Variants in SGSM1 observed in about 807,000 individuals in gnomAD.
SGSM1 encodes the protein small G protein signaling modulator 1.
In SGSM1, 73 loss-of-function variants were observed where a neutral mutation model predicts 133.8. That is an observed-to-expected ratio of 0.55 (90% CI 0.45 to 0.66). The LOEUF (loss-of-function observed/expected upper bound fraction) is 0.66, where lower values mean the gene tolerates loss of function less well. Ranked by LOEUF, SGSM1 falls within the 30% of genes least tolerant of loss-of-function variation. SGSM1 has a pLI of 0.00. For synonymous variants in SGSM1, 563 were observed against 573.0 expected (o/e 0.98, Z 0.25); for missense variants, 1,213 against 1,448.1 (o/e 0.84, Z 2.64).
intron 20 of SGSM1, among the ~76,000 whole-genome samples, chr22:24,903,806 T>C (rs1933253626): frequency 6.6e-6 from 1 of 151,900 alleles, no homozygotes; most frequent in Admixed American, 6.6e-5. Context: ...ACCCTGTCTC[T>C]ACTAAAAATA....
In SGSM1 at chr22:24,868,359, GC is replaced by G; in HGVS notation, c.995-16del. On this transcript the variant is annotated splice_polypyrimidine_tract_variant and intron_variant, in intron 10 of 24. Transcript: ENST00000400358. ...AGTGACTTCCACTGGGTCTTCTCTG[GC>G]TGGTGGTGGCGGCAGTTGACAGCGG... 2 of 1,603,172 alleles carry G rather than the reference GC, an allele frequency of 1.2e-6. No individual in the cohort carries two copies. Among genetic ancestry groups the G allele is most frequent in the Non-Finnish European group, 1.7e-6 (2 of 1,172,920 alleles).
intron 2 of SGSM1, among the ~76,000 whole-genome samples, chr22:24,821,209 G>A (rs543261850): frequency 2.0e-4 from 30 of 152,166 alleles, no homozygotes; most frequent in Non-Finnish European, 4.3e-4. Context: ...GCTAATTTTT[G>A]TATTTTTAGT....
intron 9 of SGSM1, among the ~76,000 whole-genome samples, chr22:24,864,262 G>C (rs1931323865): frequency 6.6e-6 from 1 of 152,192 alleles, no homozygotes; most frequent in South Asian, 2.1e-4. Flanking sequence ...GACCAACTTG[G>C]CAGTTTCTTG....
intron 8 of SGSM1, among the ~76,000 whole-genome samples, chr22:24,857,578 C>T (rs1041076453): frequency 6.6e-6 from 1 of 152,074 alleles, no homozygotes; most frequent in South Asian, 2.1e-4. Context: ...TTATAAGTAA[C>T]ACACAGGGAA....
intron 12 of SGSM1, among the ~76,000 whole-genome samples, 169 bp downstream of exon 12, chr22:24,869,024 C>G (rs993364719): frequency 6.6e-6 from 1 of 152,116 alleles, no homozygotes; most frequent in Non-Finnish European, 1.5e-5. Flanking sequence ...CAAATAAGAA[C>G]AATAACCACC....
At chr22:24,875,074 G>T (rs143377295) in intron 12 of SGSM1, among the ~76,000 whole-genome samples, 160 of 152,280 alleles carry the variant, frequency 1.1e-3, no homozygotes, top group African/African-American at 3.7e-3. Context: ...GATGGCAAGA[G>T]GAGCAGTTCC....
chr22:24,827,471 G>A (rs373872140), intron 2 of SGSM1, among the ~76,000 whole-genome samples: 21 of 152,106 alleles, frequency 1.4e-4, no homozygotes, highest in South Asian at 2.1e-4. Flanking sequence ...GAGGCCTGAC[G>A]TGGAGGGACG....
At chr22:24,811,154 A>G (rs1255569923) in intron 2 of SGSM1, among the ~76,000 whole-genome samples, 1 of 152,148 alleles carries the variant, frequency 6.6e-6, no homozygotes, top group Non-Finnish European at 1.5e-5. Context: ...TGGGGGTGCT[A>G]TCAGCATCTA....
chr22:24,880,186 G>A (rs1932249224), intron 14 of SGSM1, among the ~76,000 whole-genome samples: 1 of 151,954 alleles, frequency 6.6e-6, no homozygotes, highest in African/African-American at 2.4e-5. Context: ...CCAGGCTGGA[G>A]TGCAATGGCT....
intron 21 of SGSM1, among the ~76,000 whole-genome samples, chr22:24,909,031 C>G (rs981551783): frequency 1.3e-5 from 2 of 152,152 alleles, no homozygotes; most frequent in Admixed American, 1.3e-4. Flanking sequence ...AGCTCCACCT[C>G]CCTCCTCCTG....
intron 2 of SGSM1, chr22:24,843,723 A>G (rs1273940173): frequency 6.6e-6 from 1 of 152,218 alleles, no homozygotes; most frequent in Non-Finnish European, 1.5e-5. Flanking sequence ...CTGCCAGAGG[A>G]TCAACACCAA....
chr22:24,910,186 G>A (rs998911106), intron 21 of SGSM1, among the ~76,000 whole-genome samples: 2 of 152,158 alleles, frequency 1.3e-5, no homozygotes, highest in Non-Finnish European at 2.9e-5. Flanking sequence ...CAGGGACTTG[G>A]GGGAGAAAGA....
intron 10 of SGSM1, among the ~76,000 whole-genome samples, 196 bp from the exon 11 acceptor site, chr22:24,868,180 G>A (rs1319463161): frequency 6.6e-6 from 1 of 152,166 alleles, no homozygotes. Flanking sequence ...CGTCAGAGGT[G>A]GATGGTGGAT....
rs116206390 is a variant in SGSM1, at chr22:24,883,372, C to T, written c.1496-681C>T. ...TTGAACAGGAGTTGTCCACGTTTCA[C>T]ATTCTCTTTCTTGCTGTATGGATTA... On this transcript the variant is annotated intron_variant, in intron 14 of 24. Coordinates refer to ENST00000400358, the MANE Select transcript of SGSM1 (RefSeq NM_001098497.3). Among the ~76,000 whole-genome samples, 1,393 of 152,282 alleles carry T rather than the reference C, an allele frequency of 9.1e-3. 21 individuals are homozygous for T. The highest frequency in any genetic ancestry group is 0.031 in the African/African-American group (1,301 of 41,558).
chr22:24,831,726 C>G (rs560193861), intron 2 of SGSM1, among the ~76,000 whole-genome samples: 1 of 152,232 alleles, frequency 6.6e-6, no homozygotes, highest in African/African-American at 2.4e-5. Flanking sequence ...AGGCCCCCAG[C>G]GGAGACACCT....
rs534558443 is a variant in SGSM1, at chr22:24,898,641, A to G, written c.2610+82A>G. On this transcript the variant is annotated intron_variant, in intron 19 of 24. Transcript: ENST00000400358. ...ATGTACTACAAGCCTGTTATCCAGA[A>G]TGACCCCGGAGTCAGACCTCTGGTT... 1.5e-5 allele frequency: 20 copies of G among 1,362,290 alleles called. No homozygotes were observed. In the South Asian group the frequency reaches 2.7e-4, roughly 19 times the overall value. The allele number at this position is 1,362,290 out of a possible 1,614,324, so 84.4% of individuals were successfully genotyped here.
chr22:24,880,497 G>C (rs571633387), intron 14 of SGSM1, among the ~76,000 whole-genome samples: 3 of 152,188 alleles, frequency 2.0e-5, no homozygotes, highest in Non-Finnish European at 4.4e-5. Context: ...AAGATAAAAC[G>C]TGTGTGTATT....
chr22:24,822,270 T>C (rs1928528002), intron 2 of SGSM1, among the ~76,000 whole-genome samples: 1 of 151,800 alleles, frequency 6.6e-6, no homozygotes, highest in Non-Finnish European at 1.5e-5. Context: ...TTTTTTGTAT[T>C]TTTAGTAGAG....
At chr22:24,894,558 G>T (rs995834774) in intron 17 of SGSM1, among the ~76,000 whole-genome samples, 1 of 152,150 alleles carries the variant, frequency 6.6e-6, no homozygotes. Context: ...TGGGCTAGGC[G>T]AGGCTTATTC....
Sources: allele counts gnomAD v4.1 joint callset (sites outside exome capture counted in the v4.1 genomes callset), GRCh38; gene constraint gnomAD v4.1.1; transcripts MANE v1.5; gene names NCBI Gene and HGNC (gene_info 2026-07-23, HGNC 2026-07-21).